CDH13: variants seen among roughly 807,000 people sequenced by gnomAD.
The protein encoded by CDH13 is cadherin-13.
Under a neutral mutation model 63.8 loss-of-function variants are expected in CDH13, and 24 were observed. That is an observed-to-expected ratio of 0.38 (90% CI 0.27 to 0.53). The LOEUF (loss-of-function observed/expected upper bound fraction) is 0.53. CDH13 is among the 20% of genes least tolerant of loss of function. The pLI is 0.85. For missense variants in CDH13, 1,049 were observed against 903.1 expected (o/e 1.16, Z -2.07); for synonymous variants, 503 against 355.3 (o/e 1.42, Z -4.67).
intron 5 of CDH13, among the ~76,000 whole-genome samples, chr16:83,328,416 G>A (rs371747634): frequency 3.3e-5 from 5 of 152,272 alleles, no homozygotes; most frequent in African/African-American, 1.2e-4. Context: ...TTACATCCAA[G>A]GTTCACATCA....
At chr16:82,812,806 T>G (rs903911797) in intron 1 of CDH13, among the ~76,000 whole-genome samples, 1 of 152,060 alleles carries the variant, frequency 6.6e-6, no homozygotes, top group Non-Finnish European at 1.5e-5. Context: ...TTCTCTTCCT[T>G]CCTTTTTCCT....
chr16:83,360,576 A>G (rs2091143151), intron 6 of CDH13, among the ~76,000 whole-genome samples: 1 of 152,088 alleles, frequency 6.6e-6, no homozygotes, highest in African/African-American at 2.4e-5. Context: ...AGGTAGCACC[A>G]TAGTACCTAA....
chr16:82,820,849 C>G (rs1041957137), intron 1 of CDH13, among the ~76,000 whole-genome samples: 3 of 152,086 alleles, frequency 2.0e-5, no homozygotes, highest in Non-Finnish European at 4.4e-5. Flanking sequence ...GTATAACAAC[C>G]AACGTTTGAC....
intron 10 of CDH13, among the ~76,000 whole-genome samples, chr16:83,696,338 C>T (rs1905401099): frequency 6.6e-6 from 1 of 152,180 alleles, no homozygotes; most frequent in African/African-American, 2.4e-5. Flanking sequence ...ATGGGGTCTT[C>T]ATGTGCAGCG....
At chr16:83,150,383 C>T (rs1202953701) in intron 4 of CDH13, among the ~76,000 whole-genome samples, 1 of 152,182 alleles carries the variant, frequency 6.6e-6, no homozygotes, top group East Asian at 1.9e-4. Context: ...TTTTCTCTCC[C>T]TTGCTATCAT....
intron 1 of CDH13, among the ~76,000 whole-genome samples, chr16:82,758,367 G>T (rs1282266365): frequency 6.6e-6 from 1 of 152,144 alleles, no homozygotes; most frequent in Non-Finnish European, 1.5e-5. Flanking sequence ...GGAAAGTTAA[G>T]GTCCTAACTT....
In CDH13 at chr16:82,912,868, G is replaced by A. The variant is rs539584115; in HGVS notation, c.157+54395G>A. On this transcript the variant is annotated intron_variant, in intron 2 of 13. Transcript: ENST00000567109. ...TGAGGCAGGAGAATGGCGTGAACCC[G>A]GGAGGCGGAGCTTGCAGTGAGCCGA... is the stretch of plus-strand genomic sequence containing the variant. Among the ~76,000 whole-genome samples the A allele has an allele frequency of 1.1e-3, 161 of 151,964 alleles. 1 individual carries two copies. Among genetic ancestry groups the A allele is most frequent in the African/African-American group, 3.5e-3 (144 of 41,420 alleles).
At chr16:83,283,317 A>G (rs1272542505) in intron 5 of CDH13, among the ~76,000 whole-genome samples, 2 of 152,194 alleles carry the variant, frequency 1.3e-5, no homozygotes, top group African/African-American at 2.4e-5. Flanking sequence ...ATGGCTGGGT[A>G]CGGTGGCTTA....
At chr16:83,166,866 A>G (rs951230698) in intron 4 of CDH13, among the ~76,000 whole-genome samples, 1 of 152,140 alleles carries the variant, frequency 6.6e-6, no homozygotes, top group African/African-American at 2.4e-5. Context: ...TCACGGAGAC[A>G]TTTTTGCAGT....
intron 1 of CDH13, among the ~76,000 whole-genome samples, chr16:82,667,420 T>A (rs2150936782): frequency 6.6e-6 from 1 of 152,254 alleles, no homozygotes; most frequent in Non-Finnish European, 1.5e-5. Flanking sequence ...CTCACCAGGA[T>A]GTGGTGTGGG....
At position 83,293,457 on chromosome 16, in the gene CDH13, A is replaced by G. The variant is rs74031983; in HGVS notation, c.637-51405A>G. On this transcript the variant is annotated intron_variant, in intron 5 of 13. Coordinates refer to ENST00000567109, the MANE Select transcript of CDH13 (RefSeq NM_001257.5). ...CCCAGCTGTCATCTGGGAAAGGTCA[A>G]TTGTTTTCTTTACAAAGCCACCTTC... is the stretch of plus-strand genomic sequence containing the variant. 5.7e-4 allele frequency among the ~76,000 whole-genome samples: 87 copies of G among 152,268 alleles called. 1 individual carries two copies. Among genetic ancestry groups the G allele is most frequent in the East Asian group, 2.5e-3 (13 of 5,182 alleles).
intron 8 of CDH13, among the ~76,000 whole-genome samples, chr16:83,614,815 A>G (rs1482823680): frequency 6.6e-6 from 1 of 152,198 alleles, no homozygotes; most frequent in Non-Finnish European, 1.5e-5. Flanking sequence ...TTCATTTAAA[A>G]TGTGGAGAAA....
intron 10 of CDH13, among the ~76,000 whole-genome samples, chr16:83,742,428 AT>A (rs532112469): frequency 5.3e-5 from 8 of 150,524 alleles, no homozygotes; most frequent in Admixed American, 1.3e-4. Context: ...TTTTAATTTG[AT>A]TTTTTTTTTC....
intron 11 of CDH13, among the ~76,000 whole-genome samples, chr16:83,766,704 A>G (rs1914413390): frequency 6.6e-6 from 1 of 152,200 alleles, no homozygotes; most frequent in African/African-American, 2.4e-5. Flanking sequence ...TGTGCCTATG[A>G]AACCAACCCA....
chr16:83,493,162 G>A (rs532980263), intron 7 of CDH13, among the ~76,000 whole-genome samples: 3 of 152,314 alleles, frequency 2.0e-5, no homozygotes, highest in South Asian at 4.1e-4. Context: ...AAGTACTAGC[G>A]TGATACTTAT....
At chr16:83,512,747 T>C (rs915752360) in intron 7 of CDH13, among the ~76,000 whole-genome samples, 1 of 151,950 alleles carries the variant, frequency 6.6e-6, no homozygotes, top group South Asian at 2.1e-4. Flanking sequence ...ACATGAGCTT[T>C]CACAGGGGCA....
Position 82,858,485 on chromosome 16 carries a change from C to A in CDH13, c.157+12C>A, listed in dbSNP as rs74029262. The A allele has an allele frequency of 6.8e-6, 10 of 1,472,654 alleles. No homozygotes were observed. The highest frequency in any genetic ancestry group is 9.5e-6 in the Non-Finnish European group (10 of 1,051,220). 91.2% of individuals were successfully genotyped at this position (1,472,654 alleles called of 1,614,324 possible). On this transcript the variant is annotated intron_variant, in intron 2 of 13. Transcript: ENST00000567109. ...GTCAATTCTAAACTGTAAGCAATGTCACTCAAAGATGCTTTTAGACTCTTC... is the reference window on the plus strand; with the variant it reads ...GTCAATTCTAAACTGTAAGCAATGTAACTCAAAGATGCTTTTAGACTCTTC...
At chr16:82,907,660 T>C (rs1322893140) in intron 2 of CDH13, among the ~76,000 whole-genome samples, 1 of 152,186 alleles carries the variant, frequency 6.6e-6, no homozygotes, top group African/African-American at 2.4e-5. Flanking sequence ...TGCCTCACAT[T>C]GATTTTCTGT....
rs535205776 is a variant in CDH13, at chr16:82,757,263, C to T, written c.46-101099C>T. Among the ~76,000 whole-genome samples, 129 of 152,246 alleles carry T rather than the reference C, an allele frequency of 8.5e-4. 1 individual carries two copies. Among genetic ancestry groups the T allele is most frequent in the Admixed American group, 5.1e-3 (78 of 15,280 alleles). On this transcript the variant is annotated intron_variant, in intron 1 of 13. Transcript: ENST00000567109. ...TTGTTCAGATTTGGCTTGATGTACG[C>T]ACTTTGAAGATACTTGAATGAGTGA...
Sources: allele counts gnomAD v4.1 joint callset (sites outside exome capture counted in the v4.1 genomes callset), GRCh38; gene constraint gnomAD v4.1.1; transcripts MANE v1.5; gene names NCBI Gene and HGNC (gene_info 2026-07-23, HGNC 2026-07-21).